The following CST3 variants were observed in gnomAD, a reference collection of about 807,000 sequenced individuals.
The protein encoded by CST3 is cystatin-C.
CST3 carries 14 observed loss-of-function variants against 9.0 expected under a neutral mutation model. The ratio of observed to expected loss-of-function variants is 1.56; its 90% CI spans 1.03 to 2.44. The LOEUF is 2.44. Ranked by LOEUF, CST3 falls within the 30% of genes most tolerant of loss-of-function variation. The probability of loss-of-function intolerance (pLI) is 0.00; values close to 1 mark genes in which losing one functional copy is unlikely to be tolerated. For missense variants in CST3, 237 were observed against 204.3 expected (o/e 1.16, Z -0.98); for synonymous variants, 96 against 90.2 (o/e 1.06, Z -0.37).
Position 23,634,108 on chromosome 20 carries a change from T to C in CST3, c.358-109A>G, listed in dbSNP as rs1979563302. The C allele has an allele frequency of 8.9e-6, 8 of 895,856 alleles. No homozygotes were observed. The East Asian group carries it at 2.0e-4, about 22-fold the overall frequency. The allele number at this position is 895,856 out of a possible 1,614,324, so 55.5% of individuals were successfully genotyped here. On this transcript the variant is annotated intron_variant, in intron 2 of 2. Transcript: ENST00000376925. ...GTGAAGAAGGATGGAGGTGAAACAC[T>C]GGGCCCTTATCTACCCCTCCACCCA...
chr20:23,635,511 G>C (rs1437017555), intron 1 of CST3, 144 bp from the exon 2 acceptor site: 2 of 733,708 alleles, frequency 2.7e-6, no homozygotes, highest in African/African-American at 3.4e-5. Flanking sequence ...TCACCTGCAA[G>C]GCACACAAGC....
At position 23,635,292 on chromosome 20, in the gene CST3, C is replaced by A; in HGVS notation, c.319G>T (p.Asp107Tyr). Residue 107 changes from aspartate to tyrosine, a missense_variant, in exon 2 of 3, where the codon GAC (aspartate) becomes TAC (tyrosine). By Grantham distance (160) the Asp-to-Tyr change is radical. Coordinates refer to ENST00000376925, the MANE Select transcript of CST3 (RefSeq NM_000099.4). ...TTCTKTQPNLDNCPFHDQPHL... is the reference protein window; with the variant it reads ...TTCTKTQPNLYNCPFHDQPHL... Reference sequence around the variant, plus strand: ...GGCTGGTCATGGAAGGGGCAGTTGTCCAAGTTGGGCTGGGTCTTGGTACAC... The same window carrying A: ...GGCTGGTCATGGAAGGGGCAGTTGTACAAGTTGGGCTGGGTCTTGGTACAC... 1 of 1,614,076 alleles carries A rather than the reference C, an allele frequency of 6.2e-7. No individual in the cohort carries two copies. Among genetic ancestry groups the A allele is most frequent in the Non-Finnish European group, 8.5e-7 (1 of 1,180,014 alleles).
intron 2 of CST3, 50 bp downstream of exon 2, chr20:23,635,203 CA>C (rs775588744): frequency 8.9e-6 from 13 of 1,453,178 alleles, no homozygotes; most frequent in Admixed American, 1.7e-5. Flanking sequence ...CACACACACA[CA>C]CACCCCTCTG....
At position 23,637,668 on chromosome 20, in the gene CST3, G is replaced by A. The variant is rs546173157; in HGVS notation, c.195C>T (p.Asn65=). 5 of 1,536,806 alleles carry A rather than the reference G, an allele frequency of 3.3e-6. No individual in the cohort carries two copies. In the East Asian group the frequency reaches 7.7e-5, roughly 24 times the overall value. Residue 65 remains asparagine (N), a synonymous_variant, in exon 1 of 3, where the codon AAC becomes AAT. Transcript: ENST00000376925. ...GCAGCGCGCGGCTGTGGTACATGTC[G>A]TTGCTGGCTTTGTTGTACTCGCCGA... ...FAVGEYNKAS[N]DMYHSRALQV... is the part of the protein sequence containing the mutation.
chr20:23,627,348 C>A (rs1332903148), exon 4 of CST3: 2 of 152,224 alleles, frequency 1.3e-5, no homozygotes, highest in African/African-American at 4.8e-5. Flanking sequence ...GATTGCTCCA[C>A]ATTGTAGCAC....
At chr20:23,634,470 G>C (rs887101289) in intron 2 of CST3, among the ~76,000 whole-genome samples, 1 of 152,164 alleles carries the variant, frequency 6.6e-6, no homozygotes, top group African/African-American at 2.4e-5. Flanking sequence ...CCCCTGAGCA[G>C]AGACGTCACA....
At chr20:23,627,350 T>C (rs991798968) in exon 4 of CST3, 1 of 152,238 alleles carries the variant, frequency 6.6e-6, no homozygotes, top group Non-Finnish European at 1.5e-5. Flanking sequence ...TTGCTCCACA[T>C]TGTAGCACGG....
rs1169780700 is a variant in CST3, at chr20:23,637,903, G to A, written c.-41C>T. The A allele has an allele frequency of 3.6e-6, 5 of 1,377,612 alleles. No homozygotes were observed. Among genetic ancestry groups the A allele is most frequent in the South Asian group, 1.7e-5 (1 of 58,058 alleles). The allele number at this position is 1,377,612 out of a possible 1,614,324, so 85.3% of individuals were successfully genotyped here. ...GGGACGCGGGGAGTGGGGCGCAGGC[G>A]AGAGGCTGGAGCTAGATAGAGAGGA... On this transcript the variant is annotated 5_prime_UTR_variant, in exon 1 of 3. Coordinates refer to ENST00000376925, the MANE Select transcript of CST3 (RefSeq NM_000099.4).
chr20:23,635,338 G>A lies in CST3; in HGVS notation c.273C>T (p.Asp91=), dbSNP rs771732636. 3.0e-5 allele frequency: 49 copies of A among 1,613,520 alleles called. No individual in the cohort carries two copies. Among genetic ancestry groups the A allele is most frequent in the East Asian group, 4.5e-5 (2 of 44,880 alleles). ...QIVAGVNYFL[D]VELGRTTCTK... ...TACACGTGGTTCGGCCCAGCTCCAC[G>A]TCCAAGAAGTAGTTCACCCCAGCTA... The change falls in exon 2 of 3, where the codon GAC becomes GAT. Residue 91 remains aspartate, a synonymous_variant. Coordinates refer to ENST00000376925, the MANE Select transcript of CST3 (RefSeq NM_000099.4).
At chr20:23,627,317 T>C (rs1266575731) in exon 4 of CST3, 3 of 152,248 alleles carry the variant, frequency 2.0e-5, no homozygotes, top group Non-Finnish European at 4.4e-5. Context: ...TGCTGGCTTC[T>C]TTCACTTAGC....
At chr20:23,628,168 G>A (rs1318986896) in exon 4 of CST3, 2 of 152,028 alleles carry the variant, frequency 1.3e-5, no homozygotes, top group African/African-American at 4.8e-5. Flanking sequence ...GAGAAGTCCC[G>A]GGGGATCCCC....
chr20:23,632,925 T>C (rs1042854462), downstream of CST3, among the ~76,000 whole-genome samples: 1 of 152,218 alleles, frequency 6.6e-6, no homozygotes, highest in Non-Finnish European at 1.5e-5. Flanking sequence ...CACTGCATTG[T>C]CGGTCTCATT....
intron 1 of CST3, among the ~76,000 whole-genome samples, chr20:23,636,926 G>A (rs1472261302): frequency 4.6e-5 from 7 of 152,344 alleles, no homozygotes; most frequent in Admixed American, 3.9e-4. Context: ...ATGGAATAGT[G>A]ATTATGTGCG....
intron 2 of CST3, among the ~76,000 whole-genome samples, chr20:23,634,950 A>G (rs926779687): frequency 1.3e-5 from 2 of 151,438 alleles, no homozygotes; most frequent in African/African-American, 4.9e-5. Flanking sequence ...AGAAACCCCC[A>G]TGTATGTGAA....
At chr20:23,628,051 G>A (rs1018891805) in exon 4 of CST3, 1 of 151,644 alleles carries the variant, frequency 6.6e-6, no homozygotes, top group Non-Finnish European at 1.5e-5. Flanking sequence ...TATCATGTGT[G>A]TTGTTTTTTT....
At chr20:23,635,208 C>T in intron 2 of CST3, 46 bp downstream of exon 2, 1 of 1,369,978 alleles carries the variant, frequency 7.3e-7, no homozygotes, top group Non-Finnish European at 1.0e-6. Context: ...ACACACACAC[C>T]CCTCTGCAGT....
In CST3 at chr20:23,633,915, C is replaced by T. The variant is rs779110225; in HGVS notation, c.*1G>A. The T allele has an allele frequency of 1.7e-5, 27 of 1,613,668 alleles. No homozygotes were observed. The highest frequency in any genetic ancestry group is 3.3e-5 in the Admixed American group (2 of 60,008). On this transcript the variant is annotated 3_prime_UTR_variant, in exon 3 of 3. Transcript: ENST00000376925. ...GGCACAGGCCAGCCCGGTACAGACC[C>T]CTAGGCGTCCTGACAGGTGGATTTC... is the stretch of plus-strand genomic sequence containing the variant.
chr20:23,637,890 G>A lies in CST3; in HGVS notation c.-28C>T. 7.2e-7 allele frequency: 1 copy of A among 1,384,104 alleles called. No homozygotes were observed. Among genetic ancestry groups the A allele is most frequent in the Non-Finnish European group, 9.3e-7 (1 of 1,079,382 alleles). 85.7% of individuals were successfully genotyped at this position (1,384,104 alleles called of 1,614,324 possible). Reference sequence around the variant, plus strand: ...TCGGCTAGGACGCGGGACGCGGGGAGTGGGGCGCAGGCGAGAGGCTGGAGC... The same window carrying A: ...TCGGCTAGGACGCGGGACGCGGGGAATGGGGCGCAGGCGAGAGGCTGGAGC... On this transcript the variant is annotated 5_prime_UTR_variant, in exon 1 of 3. Transcript: ENST00000376925.
At chr20:23,632,213 C>T (rs1979474849), downstream of CST3, 1 of 152,314 alleles carries the variant, frequency 6.6e-6, no homozygotes, top group South Asian at 2.1e-4. Flanking sequence ...ACCTCAACTT[C>T]CCCAAGGAAG....
Sources: gnomAD v4.1 joint callset for allele counts (sites outside exome capture counted in the v4.1 genomes callset) on GRCh38, gnomAD v4.1.1 for gene constraint, MANE v1.5 for transcripts, NCBI Gene and HGNC (gene_info 2026-07-23, HGNC 2026-07-21) for gene names.